DMTN: variants seen among roughly 807,000 people sequenced by gnomAD.
The protein encoded by DMTN is dematin actin binding protein.
A neutral mutation model predicts 59.4 loss-of-function variants in DMTN; 27 were observed. The ratio of observed to expected loss-of-function variants is 0.45; its 90% CI spans 0.33 to 0.63. The LOEUF (loss-of-function observed/expected upper bound fraction) is 0.63. Among genes scored for constraint, DMTN ranks in the 20% least tolerant of loss-of-function variants. The pLI, the probability that DMTN is intolerant of heterozygous loss-of-function variation, is 0.02. For synonymous variants in DMTN, 221 were observed against 203.7 expected (o/e 1.08, Z -0.72); for missense variants, 451 against 528.9 (o/e 0.85, Z 1.45).
At chr8:22,076,480 C>A (rs550523022) in intron 10 of DMTN, among the ~76,000 whole-genome samples, 41 of 151,974 alleles carry the variant, frequency 2.7e-4, no homozygotes, top group African/African-American at 8.9e-4. Flanking sequence ...TGGCATGTGC[C>A]TGTAGTCTCA....
intron 9 of DMTN, 22 bp from the exon 10 acceptor site, chr8:22,073,708 A>G (rs868606480): frequency 6.5e-7 from 1 of 1,542,896 alleles, no homozygotes; most frequent in Non-Finnish European, 9.0e-7. Context: ...TCTTGGCTCC[A>G]TCTTCCTTTC....
At chr8:22,080,268 T>C (rs749407553) in intron 11 of DMTN, 24 bp downstream of exon 11, 10 of 1,614,050 alleles carry the variant, frequency 6.2e-6, no homozygotes, top group Middle Eastern at 3.3e-4. Flanking sequence ...ACCAGAGATA[T>C]AGACTACGTG....
intron 10 of DMTN, among the ~76,000 whole-genome samples, 153 bp downstream of exon 10, chr8:22,073,988 CAG>C (rs1343993452): frequency 6.6e-6 from 1 of 152,206 alleles, no homozygotes; most frequent in Admixed American, 6.5e-5. Context: ...GGAACAATGT[CAG>C]ATGATAAATG....
chr8:22,050,077 T>C (rs1246921236), upstream of DMTN, among the ~76,000 whole-genome samples: 2 of 152,182 alleles, frequency 1.3e-5, no homozygotes, highest in East Asian at 3.9e-4. Flanking sequence ...ATAATTGCTT[T>C]TCACCAGGTT....
At chr8:22,067,038 C>A in intron 2 of DMTN, 47 bp from the exon 3 acceptor site, 1 of 1,549,256 alleles carries the variant, frequency 6.5e-7, no homozygotes, top group South Asian at 1.2e-5. Context: ...CGCCCCGCTC[C>A]CGCACACACG....
chr8:22,080,325 C>A, intron 11 of DMTN, 81 bp downstream of exon 11: 1 of 1,613,130 alleles, frequency 6.2e-7, no homozygotes, highest in African/African-American at 1.3e-5. Context: ...CACTTGGGCA[C>A]CCTCAGGGAG....
intron 8 of DMTN, among the ~76,000 whole-genome samples, chr8:22,071,389 C>T (rs1815367882): frequency 6.6e-6 from 1 of 151,808 alleles, no homozygotes; most frequent in African/African-American, 2.4e-5. Flanking sequence ...AGCCACCATG[C>T]CTGACTCTCT....
At chr8:22,070,735 G>T (rs1319922279) in intron 8 of DMTN, among the ~76,000 whole-genome samples, 1 of 152,148 alleles carries the variant, frequency 6.6e-6, no homozygotes, top group Non-Finnish European at 1.5e-5. Flanking sequence ...TACCTGCATA[G>T]ATTGCACAGT....
chr8:22,081,314 C>A, intron 15 of DMTN, 36 bp from the exon 16 acceptor site: 2 of 1,603,686 alleles, frequency 1.2e-6, no homozygotes, highest in Non-Finnish European at 8.5e-7. Context: ...AGCCCCCTCC[C>A]CCTCCATGCT....
At chr8:22,063,654 T>C (rs1322257487) in intron 1 of DMTN, among the ~76,000 whole-genome samples, 1 of 152,188 alleles carries the variant, frequency 6.6e-6, no homozygotes, top group Admixed American at 6.5e-5. Flanking sequence ...CCCCACCTTA[T>C]GCTGCTTTCT....
intron 8 of DMTN, 99 bp from the exon 9 acceptor site, chr8:22,072,227 A>G: frequency 7.2e-7 from 1 of 1,394,860 alleles, no homozygotes; most frequent in South Asian, 1.5e-5. Flanking sequence ...TGGCCTTATC[A>G]AGGTCCAGCC....
At chr8:22,051,919 C>G (rs1393322715), upstream of DMTN, among the ~76,000 whole-genome samples, 1 of 152,254 alleles carries the variant, frequency 6.6e-6, no homozygotes, top group Non-Finnish European at 1.5e-5. Context: ...CTTTAAGACT[C>G]CTGTCCAGCC....
chr8:22,063,085 C>T (rs1015976381), intron 1 of DMTN, among the ~76,000 whole-genome samples: 4 of 152,140 alleles, frequency 2.6e-5, no homozygotes, highest in South Asian at 4.1e-4. Flanking sequence ...TGGCCTCTTC[C>T]GTAGGTTCCT....
intron 14 of DMTN, 21 bp from the exon 15 acceptor site, chr8:22,081,092 T>TGGGGGTGGG: frequency 1.3e-6 from 2 of 1,547,308 alleles, no homozygotes; most frequent in Non-Finnish European, 1.8e-6. Flanking sequence ...AGCCTAAGAT[T>TGGGGGTGGG]GCCCCTCCCC....
At chr8:22,051,094 A>G (rs552972635), upstream of DMTN, among the ~76,000 whole-genome samples, 16 of 152,276 alleles carry the variant, frequency 1.1e-4, no homozygotes, top group African/African-American at 3.9e-4. Flanking sequence ...GCCTGGGTCT[A>G]TGCAGGTGTG....
At chr8:22,079,303 A>ATATATATATATATATATATAT (rs67715172) in intron 10 of DMTN, among the ~76,000 whole-genome samples, 28 of 52,206 alleles carry the variant, frequency 5.4e-4, no homozygotes, top group Non-Finnish European at 7.9e-4. Flanking sequence ...TATATATATT[A>ATATATATATATATATATATAT]GCTGGGTTTG....
chr8:22,072,823 C>A (rs902022086), intron 9 of DMTN, among the ~76,000 whole-genome samples: 1 of 151,894 alleles, frequency 6.6e-6, no homozygotes, highest in Non-Finnish European at 1.5e-5. Flanking sequence ...TGTAGCTAGT[C>A]GAAGGGGTTC....
In DMTN at chr8:22,058,254, G is replaced by A. The variant is rs1176887067; in HGVS notation, c.-172+1118G>A. ...GTGGTCAGGCGTTAGACTCCTGGGT[G>A]AGGTTGTCCACCCGTGGGTGGATGT... On this transcript the variant is annotated intron_variant, in intron 1 of 15. Transcript: ENST00000358242. This position sits in a 1 kb window ranked among gnomAD's most constrained non-coding sequence, Gnocchi z 4.3. Among the ~76,000 whole-genome samples the A allele has an allele frequency of 6.6e-6, 1 of 152,176 alleles. No homozygotes were observed. The highest frequency in any genetic ancestry group is 1.5e-5 in the Non-Finnish European group (1 of 68,016).
intron 10 of DMTN, among the ~76,000 whole-genome samples, chr8:22,074,117 C>T (rs1351909471): frequency 6.6e-6 from 1 of 152,170 alleles, no homozygotes; most frequent in Non-Finnish European, 1.5e-5. Context: ...TAGTCTTGTC[C>T]TCTGGTAGCT....
Sources: allele counts gnomAD v4.1 joint callset (sites outside exome capture counted in the v4.1 genomes callset), GRCh38; gene constraint gnomAD v4.1.1; non-coding constraint Gnocchi (gnomAD v3.1); transcripts MANE v1.5; gene names NCBI Gene and HGNC (gene_info 2026-07-23, HGNC 2026-07-21).